ACCSL: variants seen among roughly 807,000 people sequenced by gnomAD.
ACCSL encodes 1-aminocyclopropane-1-carboxylate synthase homolog (inactive) like.
Under a neutral mutation model 61.7 loss-of-function variants are expected in ACCSL, and 55 were observed. That is an observed-to-expected ratio of 0.89 (90% CI 0.72 to 1.12). ACCSL has a LOEUF of 1.12. Among genes scored for constraint, ACCSL ranks in the 50% most tolerant of loss-of-function variants. ACCSL has a pLI of 0.00. For missense variants in ACCSL, 632 were observed against 698.0 expected (o/e 0.91, Z 1.07); for synonymous variants, 258 against 264.3 (o/e 0.98, Z 0.23).
Position 44,056,224 on chromosome 11 carries a change from A to T in ACCSL, c.1225A>T (p.Thr409Ser). The T allele has an allele frequency of 6.2e-7, 1 of 1,614,148 alleles. No individual in the cohort carries two copies. Among genetic ancestry groups the T allele is most frequent in the Non-Finnish European group, 8.5e-7 (1 of 1,180,044 alleles). The part of the protein sequence containing the change: ...ISGFRFGALY[T>S]HNKEVASAVS... Reference sequence around the variant, plus strand: ...TGGCTTCCGCTTTGGTGCTCTGTATACCCACAACAAGGAGGTGGCCTCTGC... The same window carrying T: ...TGGCTTCCGCTTTGGTGCTCTGTATTCCCACAACAAGGAGGTGGCCTCTGC... Residue 409 changes from threonine (T) to serine (S), a missense_variant, in exon 11 of 14, where the codon ACC (threonine) becomes TCC (serine). By Grantham distance (58) the Thr-to-Ser change is moderately conservative. Transcript: ENST00000378832.
chr11:43,995,302 C>T, the ACCSL span: 1 of 152,158 alleles, frequency 6.6e-6, no homozygotes, highest in African/African-American at 2.4e-5. Flanking sequence ...AAGACTCTGA[C>T]TCCACAGCCA....
chr11:43,978,571 A>G, the ACCSL span, among the ~76,000 whole-genome samples: 10 of 152,084 alleles, frequency 6.6e-5, no homozygotes, highest in South Asian at 2.1e-4. Context: ...CCCACTGTCA[A>G]TGTCCCATCT....
At chr11:44,004,774 T>C in the ACCSL span, among the ~76,000 whole-genome samples, 75 of 152,264 alleles carry the variant, frequency 4.9e-4, no homozygotes, top group African/African-American at 1.7e-3. Context: ...ATCTGGGAGC[T>C]GGTTGGAAAT....
chr11:44,048,624 T>C, intron 1 of ACCSL, 84 bp downstream of exon 1: 2 of 1,204,822 alleles, frequency 1.7e-6, no homozygotes, highest in Non-Finnish European at 2.3e-6. Context: ...AAGTGCTATA[T>C]ATGCTCTCAT....
chr11:43,951,674 A>T, the ACCSL span, among the ~76,000 whole-genome samples: 1 of 152,254 alleles, frequency 6.6e-6, no homozygotes, highest in African/African-American at 2.4e-5. Flanking sequence ...AATATGTAGT[A>T]TGTAATGTAG....
the ACCSL span, among the ~76,000 whole-genome samples, chr11:43,964,247 T>C: frequency 2.6e-5 from 4 of 151,906 alleles, no homozygotes; most frequent in African/African-American, 4.8e-5. Context: ...ATCGAGACCA[T>C]CCTGGCTAAC....
In ACCSL at chr11:44,058,714, C is replaced by A. The variant is rs748049782; in HGVS notation, c.1624+15C>A. On this transcript the variant is annotated intron_variant, in intron 13 of 13. Transcript: ENST00000378832. Reference sequence around the variant, plus strand: ...GCTAAAATTGGGTGAGTGGAGCTGACCTCCCAATCCTTTAAAGACGCCCCA... The same window carrying A: ...GCTAAAATTGGGTGAGTGGAGCTGAACTCCCAATCCTTTAAAGACGCCCCA... The A allele has an allele frequency of 2.5e-6, 4 of 1,596,920 alleles. No homozygotes were observed. In the Admixed American group the frequency reaches 6.9e-5, roughly 27 times the overall value.
Position 44,048,092 on chromosome 11 carries a change from T to C in ACCSL, c.56T>C (p.Val19Ala), listed in dbSNP as rs768077997. Reference sequence around the variant, plus strand: ...CCCTCTGGTCAGAGGAGAGGCCGGGTCCCCAGAGACCACAGCATCTATACC... The same window carrying C: ...CCCTCTGGTCAGAGGAGAGGCCGGGCCCCCAGAGACCACAGCATCTATACC... ...PVPSGQRRGR[V>A]PRDHSIYTQL... The change falls in exon 1 of 14, where the codon GTC becomes GCC. Residue 19 changes from valine to alanine, a missense_variant. By Grantham distance (64) the Val-to-Ala change is moderately conservative (BLOSUM62 0). Coordinates refer to ENST00000378832, the MANE Select transcript of ACCSL (RefSeq NM_001031854.2). 1.9e-6 allele frequency: 3 copies of C among 1,613,828 alleles called. No individual in the cohort carries two copies. The highest frequency in any genetic ancestry group is 2.5e-6 in the Non-Finnish European group (3 of 1,179,922).
chr11:43,988,510 G>C, the ACCSL span, among the ~76,000 whole-genome samples: 1 of 151,910 alleles, frequency 6.6e-6, no homozygotes, highest in Non-Finnish European at 1.5e-5. Context: ...GGGGGTCTCG[G>C]TGGCGTAGAT....
intron 2 of ACCSL, 21 bp downstream of exon 2, chr11:44,050,142 G>T: frequency 6.2e-7 from 1 of 1,605,100 alleles, no homozygotes; most frequent in Non-Finnish European, 8.5e-7. Flanking sequence ...TCTGGGCTGT[G>T]TTGGGACCCA....
chr11:44,033,889 G>A, the ACCSL span, among the ~76,000 whole-genome samples: 69 of 151,432 alleles, frequency 4.6e-4, no homozygotes, highest in Admixed American at 4.1e-3. Flanking sequence ...GTGCTGGAAG[G>A]AAGGGAGACA....
chr11:43,982,365 T>C, the ACCSL span, among the ~76,000 whole-genome samples: 200 of 151,692 alleles, frequency 1.3e-3, no homozygotes, highest in Non-Finnish European at 2.2e-3. Context: ...GTAGCTGGGA[T>C]TACAGGCACA....
At chr11:44,004,193 G>T in the ACCSL span, among the ~76,000 whole-genome samples, 12 of 151,912 alleles carry the variant, frequency 7.9e-5, 1 homozygote, top group South Asian at 1.2e-3. Flanking sequence ...TGAGGTGAAG[G>T]GGGGGGATGT....
the ACCSL span, among the ~76,000 whole-genome samples, chr11:44,022,258 T>C: frequency 2.6e-5 from 4 of 152,228 alleles, no homozygotes; most frequent in African/African-American, 7.2e-5. Flanking sequence ...TCATGGAATG[T>C]GTTTCCATTT....
At chr11:43,946,179 C>T in the ACCSL span, among the ~76,000 whole-genome samples, 2 of 152,148 alleles carry the variant, frequency 1.3e-5, no homozygotes, top group Admixed American at 1.3e-4. Context: ...CTCTGCCTCC[C>T]AGGTTCAAGC....
At chr11:43,956,586 A>AT in the ACCSL span, among the ~76,000 whole-genome samples, 2 of 152,038 alleles carry the variant, frequency 1.3e-5, no homozygotes, top group East Asian at 1.9e-4. Flanking sequence ...CACCCGGCTA[A>AT]TTTTTTGTAT....
chr11:44,035,640 A>G, the ACCSL span, among the ~76,000 whole-genome samples: 1 of 152,102 alleles, frequency 6.6e-6, no homozygotes, highest in African/African-American at 2.4e-5. Flanking sequence ...TTAGAACCAT[A>G]AAGAATAGCT....
At chr11:43,934,848 T>C in the ACCSL span, among the ~76,000 whole-genome samples, 1 of 152,192 alleles carries the variant, frequency 6.6e-6, no homozygotes, top group Non-Finnish European at 1.5e-5. Flanking sequence ...CAGGTTACCA[T>C]AGGCTGCCTT....
chr11:44,056,887 C>T (rs927120844), intron 11 of ACCSL, among the ~76,000 whole-genome samples: 3 of 152,192 alleles, frequency 2.0e-5, no homozygotes, highest in African/African-American at 7.2e-5. Context: ...TGTCTGGTAG[C>T]TTGTGTTCTA....
Sources: allele counts gnomAD v4.1 joint callset (sites outside exome capture counted in the v4.1 genomes callset), GRCh38; gene constraint gnomAD v4.1.1; transcripts MANE v1.5; gene names NCBI Gene and HGNC (gene_info 2026-07-23, HGNC 2026-07-21).